CTNNA1: variants seen among roughly 807,000 people sequenced by gnomAD.
CTNNA1 encodes the protein catenin alpha 1.
A neutral mutation model predicts 98.4 loss-of-function variants in CTNNA1; 37 were observed. The observed-to-expected ratio is 0.38, with a 90% CI of 0.29 to 0.49. The LOEUF is 0.49. CTNNA1 is among the 20% of genes least tolerant of loss of function. CTNNA1 has a pLI of 0.95. For missense variants in CTNNA1, 761 were observed against 1,147.2 expected (o/e 0.66, Z 4.86); for synonymous variants, 404 against 413.2 (o/e 0.98, Z 0.27).
chr5:138,878,598 G>A (rs941692996), intron 7 of CTNNA1, among the ~76,000 whole-genome samples: 4 of 152,150 alleles, frequency 2.6e-5, no homozygotes, highest in African/African-American at 7.2e-5. Flanking sequence ...GAGTCAAGTG[G>A]CAGGGCTTAG....
At chr5:138,782,940 A>G (rs1755288760) in intron 2 of CTNNA1, among the ~76,000 whole-genome samples, 1 of 152,208 alleles carries the variant, frequency 6.6e-6, no homozygotes, top group South Asian at 2.1e-4. Flanking sequence ...TAATGATCAT[A>G]TTTGAGAAAT....
chr5:138,927,109 G>A (rs994373488), intron 13 of CTNNA1, among the ~76,000 whole-genome samples: 1 of 152,112 alleles, frequency 6.6e-6, no homozygotes, highest in Non-Finnish European at 1.5e-5. Flanking sequence ...CCTCTCACCC[G>A]GGTTCATGCA....
At chr5:138,826,713 A>T (rs1359108420) in intron 6 of CTNNA1, among the ~76,000 whole-genome samples, 1 of 152,240 alleles carries the variant, frequency 6.6e-6, no homozygotes, top group African/African-American at 2.4e-5. Context: ...TAGATGTGTA[A>T]GATGAGGCAA....
intron 14 of CTNNA1, 29 bp downstream of exon 14, chr5:138,929,385 G>T: frequency 8.8e-7 from 1 of 1,133,930 alleles, no homozygotes; most frequent in Non-Finnish European, 1.3e-6. Flanking sequence ...GGGCAGTTCA[G>T]CTTGTGCTGC....
intron 7 of CTNNA1, among the ~76,000 whole-genome samples, chr5:138,850,846 A>G (rs555939500): frequency 2.6e-5 from 4 of 152,320 alleles, no homozygotes; most frequent in Non-Finnish European, 1.5e-5. Flanking sequence ...TATTATCACT[A>G]CAAAACAAAC....
intron 9 of CTNNA1, among the ~76,000 whole-genome samples, chr5:138,893,039 A>G (rs1755846919): frequency 6.6e-6 from 1 of 152,152 alleles, no homozygotes; most frequent in Non-Finnish European, 1.5e-5. Context: ...AAATAAATAA[A>G]AATAAATTAA....
chr5:138,828,155 C>T (rs1180311360), intron 7 of CTNNA1: 2 of 163,280 alleles, frequency 1.2e-5, no homozygotes, highest in Non-Finnish European at 2.7e-5. Context: ...ACTAAAGTTT[C>T]ATTATCCCAA....
chr5:138,863,132 C>T (rs1764436385), intron 7 of CTNNA1, among the ~76,000 whole-genome samples: 1 of 151,576 alleles, frequency 6.6e-6, no homozygotes, highest in Non-Finnish European at 1.5e-5. Context: ...TAACTTGCCC[C>T]TGTTGAAAAT....
intron 9 of CTNNA1, among the ~76,000 whole-genome samples, chr5:138,899,142 T>G (rs1222898469): frequency 6.6e-6 from 1 of 152,238 alleles, no homozygotes; most frequent in Non-Finnish European, 1.5e-5. Context: ...TTATTATGGA[T>G]CTGATTACAC....
chr5:138,755,497 C>G (rs1751533761), intron 1 of CTNNA1, among the ~76,000 whole-genome samples: 2 of 152,116 alleles, frequency 1.3e-5, no homozygotes, highest in Admixed American at 6.6e-5. Context: ...AGGGTTCTTT[C>G]CAAAGTATCT....
chr5:138,871,502 A>C (rs1297731892), intron 7 of CTNNA1: 1 of 152,238 alleles, frequency 6.6e-6, no homozygotes, highest in African/African-American at 2.4e-5. Flanking sequence ...CATCCTTATC[A>C]TTTGTTAACT....
intron 9 of CTNNA1, among the ~76,000 whole-genome samples, chr5:138,894,799 C>A (rs1461875668): frequency 1.3e-5 from 2 of 152,148 alleles, no homozygotes; most frequent in Non-Finnish European, 2.9e-5. Context: ...TCCCTGCCTA[C>A]AACTGCCTTT....
At chr5:138,894,565 G>A (rs866890534) in intron 9 of CTNNA1, among the ~76,000 whole-genome samples, 1 of 152,036 alleles carries the variant, frequency 6.6e-6, no homozygotes, top group South Asian at 2.1e-4. Context: ...GAGCCACTGC[G>A]CCTGGTCTAC....
In CTNNA1 at chr5:138,875,774, C is replaced by T. The variant is rs547345049; in HGVS notation, c.1063-10438C>T. On this transcript the variant is annotated intron_variant, in intron 7 of 17. Transcript: ENST00000302763. ...TGCACTGGTAGTTTGGAAAGCTATT[C>T]AGTTGCCTTGTTGTCATGCTTGGTT... The T allele has an allele frequency of 4.2e-6, 4 of 959,238 alleles. No individual in the cohort carries two copies. In the African/African-American group the frequency reaches 7.0e-5, roughly 17 times the overall value. 59.4% of individuals were successfully genotyped at this position (959,238 alleles called of 1,614,324 possible).
intron 1 of CTNNA1, among the ~76,000 whole-genome samples, chr5:138,761,617 CAAAA>C (rs989872412): frequency 1.2e-4 from 18 of 151,740 alleles, no homozygotes; most frequent in African/African-American, 3.9e-4. Flanking sequence ...AAAATTTACT[CAAAA>C]AAATTTTGGG....
At position 138,930,899 on chromosome 5, in the gene CTNNA1, C is replaced by T. The variant is rs1035837951; in HGVS notation, c.2262C>T (p.Ser754=). The change falls in exon 16 of 18, where the codon TCC becomes TCT. Residue 754 remains serine (S), a synonymous_variant. Transcript: ENST00000302763. Reference sequence around the variant, plus strand: ...CCAAGAAAATTGCTGAGGCAGGATCCAGGATGGACAAGCTTGGCCGCACCA... The same window carrying T: ...CCAAGAAAATTGCTGAGGCAGGATCTAGGATGGACAAGCTTGGCCGCACCA... ...SAAKKIAEAG[S]RMDKLGRTIA... 1 of 1,614,018 alleles carries T rather than the reference C, an allele frequency of 6.2e-7. No individual in the cohort carries two copies. Among genetic ancestry groups the T allele is most frequent in the South Asian group, 1.1e-5 (1 of 91,068 alleles).
At chr5:138,809,025 C>T (rs1293448977) in intron 3 of CTNNA1, among the ~76,000 whole-genome samples, 1 of 152,070 alleles carries the variant, frequency 6.6e-6, no homozygotes. Context: ...TGTTCTATCA[C>T]CCACGCTAGA....
At chr5:138,919,103 T>C (rs1300035899) in intron 11 of CTNNA1, among the ~76,000 whole-genome samples, 1 of 152,208 alleles carries the variant, frequency 6.6e-6, no homozygotes, top group Admixed American at 6.5e-5. Flanking sequence ...AAATTGCAGG[T>C]GTTGGTACTT....
chr5:138,765,968 AAAAG>A lies in CTNNA1; in HGVS notation c.-3+12459_-3+12462del, dbSNP rs1411174236. Among the ~76,000 whole-genome samples the A allele has an allele frequency of 3.3e-5, 5 of 151,670 alleles. No individual in the cohort carries two copies. The East Asian group carries it at 7.7e-4, about 23-fold the overall frequency. ...GTCTCAAAAAAAAAAAAAAAAAAAA[AAAAG>A]GCAGTTTATACCCACTTTTTGCTAA... On this transcript the variant is annotated intron_variant, in intron 1 of 17. Transcript: ENST00000302763.
Sources: gnomAD v4.1 joint callset for allele counts (sites outside exome capture counted in the v4.1 genomes callset) on GRCh38, gnomAD v4.1.1 for gene constraint, MANE v1.5 for transcripts, NCBI Gene and HGNC (gene_info 2026-07-23, HGNC 2026-07-21) for gene names.